The following TRIO variants were observed in gnomAD, a reference collection of about 807,000 sequenced individuals.
TRIO encodes triple functional domain protein.
A neutral mutation model predicts 351.9 loss-of-function variants in TRIO; 58 were observed. That is an observed-to-expected ratio of 0.16 (90% CI 0.13 to 0.21). The LOEUF (loss-of-function observed/expected upper bound fraction) is 0.21. Ranked by LOEUF, TRIO falls within the 10% of genes least tolerant of loss-of-function variation. TRIO has a pLI of 1.00. For synonymous variants in TRIO, 1,758 were observed against 1,595.7 expected (o/e 1.10, Z -2.42); for missense variants, 3,201 against 4,027.8 (o/e 0.79, Z 5.56).
intron 34 of TRIO, among the ~76,000 whole-genome samples, chr5:14,458,100 C>T (rs1753502784): frequency 6.6e-6 from 1 of 150,916 alleles, no homozygotes; most frequent in Non-Finnish European, 1.5e-5. Context: ...TCCGTGGTGA[C>T]ACCTCACCAC....
In TRIO at chr5:14,498,200, G is replaced by T; in HGVS notation, c.8159G>T (p.Gly2720Val). Residue 2720 changes from glycine to valine, a missense_variant, in exon 52 of 57, where the codon GGC becomes GTC. Gly to Val is a moderately radical substitution (Grantham distance 109). This residue lies in a region of TRIO where 1,089 missense variants were observed against 954.9 expected (regional missense o/e 1.14). Transcript: ENST00000344204. Reference protein sequence around the residue: ...GRPKASITWKGPEHNTLNNDG... With the variant: ...GRPKASITWKVPEHNTLNNDG... ...CCCAAAGCCTCAATTACCTGGAAGG[G>T]CCCTGAACACAACACCTTGAACAAC... The T allele has an allele frequency of 6.2e-7, 1 of 1,614,202 alleles. No homozygotes were observed. Among genetic ancestry groups the T allele is most frequent in the Non-Finnish European group, 8.5e-7 (1 of 1,180,040 alleles).
At chr5:14,263,294 G>T (rs1561266477) in intron 1 of TRIO, among the ~76,000 whole-genome samples, 9 of 152,182 alleles carry the variant, frequency 5.9e-5, no homozygotes. Flanking sequence ...CATGTGCACT[G>T]AGAGAGGTTT....
chr5:14,251,687 C>T (rs1794755377), intron 1 of TRIO, among the ~76,000 whole-genome samples: 1 of 152,186 alleles, frequency 6.6e-6, no homozygotes, highest in Non-Finnish European at 1.5e-5. Flanking sequence ...ATTGAGCCTT[C>T]ACCCTTGCTC....
At chr5:14,208,552 G>A (rs559989589) in intron 1 of TRIO, among the ~76,000 whole-genome samples, 1 of 152,366 alleles carries the variant, frequency 6.6e-6, no homozygotes, top group South Asian at 2.1e-4. Flanking sequence ...ATTTCAGAGC[G>A]AAGAAAGTGT....
intron 11 of TRIO, among the ~76,000 whole-genome samples, chr5:14,349,235 TTGTG>T (rs993096430): frequency 7.1e-4 from 100 of 141,580 alleles, no homozygotes; most frequent in African/African-American, 2.2e-3. Flanking sequence ...TCCTGTGTGT[TTGTG>T]TGTGCACACA....
intron 55 of TRIO, chr5:14,504,817 G>A: frequency 3.4e-6 from 2 of 589,312 alleles, no homozygotes; most frequent in South Asian, 4.1e-5. Context: ...GGCAGTCACT[G>A]CTGGGATGGA....
At chr5:14,374,443 A>G (rs1021295249) in intron 19 of TRIO, 100 bp downstream of exon 19, 1 of 739,442 alleles carries the variant, frequency 1.4e-6, no homozygotes. Context: ...CTTCAGTTTC[A>G]TTTTAAATGT....
chr5:14,168,730 C>T (rs538859149), intron 1 of TRIO, among the ~76,000 whole-genome samples: 1 of 152,310 alleles, frequency 6.6e-6, no homozygotes, highest in South Asian at 2.1e-4. Context: ...GTTATACTAT[C>T]ATTTGTGGTT....
intron 36 of TRIO, among the ~76,000 whole-genome samples, chr5:14,465,095 T>G (rs142310465): frequency 6.6e-6 from 1 of 152,290 alleles, no homozygotes; most frequent in Non-Finnish European, 1.5e-5. Context: ...ATAAACACAG[T>G]AAAGCCATTT....
At chr5:14,235,404 T>C (rs921638881) in intron 1 of TRIO, among the ~76,000 whole-genome samples, 4 of 152,246 alleles carry the variant, frequency 2.6e-5, no homozygotes, top group African/African-American at 9.6e-5. Flanking sequence ...GATTGCTTCC[T>C]GGCTGTATTT....
intron 34 of TRIO, among the ~76,000 whole-genome samples, chr5:14,453,795 C>T (rs27107): frequency 0.15 from 23,394 of 152,164 alleles, 1,919 homozygotes; most frequent in Middle Eastern, 0.27. Context: ...TTAGTGGGAA[C>T]TGAAGGCATT....
chr5:14,479,098 T>C lies in TRIO; in HGVS notation c.6154-163T>C, dbSNP rs546562592. 1.3e-3 allele frequency among the ~76,000 whole-genome samples: 192 copies of C among 152,342 alleles called. 4 individuals are homozygous for C. The South Asian group carries it at 0.013, about 10-fold the overall frequency. On this transcript the variant is annotated intron_variant, in intron 41 of 56. Transcript: ENST00000344204. ...GTTTTGGAGCCACACCGTAGAATGC[T>C]GATCTACATCCTGAATCTGGAATTT...
chr5:14,301,450 C>T (rs1009888141), intron 7 of TRIO, among the ~76,000 whole-genome samples: 2 of 152,126 alleles, frequency 1.3e-5, no homozygotes, highest in Non-Finnish European at 2.9e-5. Flanking sequence ...GATACTAAGA[C>T]AGCTGCTCTG....
chr5:14,358,351 G>T lies in TRIO; in HGVS notation c.2216+4G>T. 2 of 1,613,788 alleles carry T rather than the reference G, an allele frequency of 1.2e-6. No individual in the cohort carries two copies. Among genetic ancestry groups the T allele is most frequent in the Non-Finnish European group, 1.7e-6 (2 of 1,179,744 alleles). On this transcript the variant is annotated splice_donor_region_variant and intron_variant, in intron 12 of 56. Transcript: ENST00000344204. The stretch of plus-strand genomic sequence containing the variant: ...AGGACCTCATCCAGCAGCTCAGGTG[G>T]GCCTCACCCCTCTCCTGGTCCGAAC...
At chr5:14,471,635 A>G (rs1579754277) in intron 38 of TRIO, among the ~76,000 whole-genome samples, 169 bp downstream of exon 38, 1 of 152,246 alleles carries the variant, frequency 6.6e-6, no homozygotes, top group East Asian at 1.9e-4. Flanking sequence ...ATAAGGGCAC[A>G]GTATTCCATA....
chr5:14,314,308 G>T (rs1739188183), intron 8 of TRIO, among the ~76,000 whole-genome samples: 1 of 152,164 alleles, frequency 6.6e-6, no homozygotes, highest in African/African-American at 2.4e-5. Flanking sequence ...GGTGATTTAT[G>T]ATAAAATGTT....
At chr5:14,319,944 C>T (rs910921559) in intron 9 of TRIO, among the ~76,000 whole-genome samples, 10 of 152,088 alleles carry the variant, frequency 6.6e-5, no homozygotes, top group South Asian at 2.1e-4. Context: ...TCAGGCGTGG[C>T]GGGAAAGGTG....
chr5:14,411,866 C>G (rs1470289223), intron 33 of TRIO, among the ~76,000 whole-genome samples: 1 of 152,078 alleles, frequency 6.6e-6, no homozygotes. Flanking sequence ...CTCAGCCTCT[C>G]AAAACGCTGG....
chr5:14,397,148 C>T lies in TRIO; in HGVS notation c.4417C>T (p.Leu1473=), dbSNP rs1473927105. The change falls in exon 29 of 57, where the codon CTG becomes TTG. Residue 1473 remains leucine, a synonymous_variant. Transcript: ENST00000344204. ...CAATGATGCCATGCACCTCAGCATG[C>T]TGGAAGGTAAAGGACCCTCCATACC... The part of the protein sequence containing the change: ...RANDAMHLSM[L]EGFDENIESQ... 1 of 1,604,440 alleles carries T rather than the reference C, an allele frequency of 6.2e-7. No individual in the cohort carries two copies. Among genetic ancestry groups the T allele is most frequent in the East Asian group, 2.2e-5 (1 of 44,732 alleles).
Sources: allele counts gnomAD v4.1 joint callset (sites outside exome capture counted in the v4.1 genomes callset), GRCh38; gene constraint gnomAD v4.1.1; regional missense constraint gnomAD v4.1.1; transcripts MANE v1.5; gene names NCBI Gene and HGNC (gene_info 2026-07-23, HGNC 2026-07-21).